The following PCDHGA7 variants were observed in gnomAD, a reference collection of about 807,000 sequenced individuals.
PCDHGA7 encodes the protein protocadherin gamma-A7.
In PCDHGA7, 44 loss-of-function variants were observed where a neutral mutation model predicts 58.3. The ratio of observed to expected loss-of-function variants is 0.75; its 90% CI spans 0.59 to 0.97. The LOEUF is 0.97. Ranked by LOEUF, PCDHGA7 falls within the 50% of genes least tolerant of loss-of-function variation. The probability of loss-of-function intolerance (pLI) is 0.00; values close to 1 mark genes in which losing one functional copy is unlikely to be tolerated. For synonymous variants in PCDHGA7, 516 were observed against 504.2 expected (o/e 1.02, Z -0.31); for missense variants, 1,266 against 1,188.7 (o/e 1.06, Z -0.96).
intron 1 of PCDHGA7, chr5:141,408,083 C>A: frequency 7.1e-7 from 1 of 1,414,576 alleles, no homozygotes; most frequent in Non-Finnish European, 9.3e-7. Flanking sequence ...CCCAGCACAG[C>A]GGATTGCCAG....
intron 1 of PCDHGA7, chr5:141,418,580 G>A: frequency 1.2e-5 from 20 of 1,614,018 alleles, no homozygotes; most frequent in Non-Finnish European, 1.7e-5. Flanking sequence ...CAACCCCCCA[G>A]TGTTCAGCCA....
intron 1 of PCDHGA7, among the ~76,000 whole-genome samples, chr5:141,402,017 A>G (rs1052839882): frequency 2.0e-5 from 3 of 152,210 alleles, no homozygotes; most frequent in African/African-American, 7.2e-5. Flanking sequence ...ATGCATTTGA[A>G]TCATTGAAAC....
At chr5:141,496,236 C>T (rs1290509264) in intron 2 of PCDHGA7, among the ~76,000 whole-genome samples, 7 of 152,138 alleles carry the variant, frequency 4.6e-5, no homozygotes, top group Middle Eastern at 3.2e-3. Flanking sequence ...GAACCCCCTG[C>T]GGGCTGAAGG....
rs776632782 is a variant in PCDHGA7, at chr5:141,415,681, A to G, written c.2424+30358A>G. 6.3e-5 allele frequency: 95 copies of G among 1,518,728 alleles called. 2 individuals are homozygous for G. In the Middle Eastern group the frequency reaches 2.1e-3, roughly 34 times the overall value. 94.1% of individuals were successfully genotyped at this position (1,518,728 alleles called of 1,614,324 possible). A position where few individuals can be genotyped will look rare whatever the true frequency, so the allele number is the denominator to read the frequency against. Reference sequence around the variant, plus strand: ...TGGTTTTTACTTTGAAGTTTGCGGCATGATGGTGGAAAGTGTAAATGCTAA... The same window carrying G: ...TGGTTTTTACTTTGAAGTTTGCGGCGTGATGGTGGAAAGTGTAAATGCTAA... On this transcript the variant is annotated intron_variant, in intron 1 of 3. Transcript: ENST00000518325.
At chr5:141,393,201 A>C in intron 1 of PCDHGA7, 1 of 1,613,534 alleles carries the variant, frequency 6.2e-7, no homozygotes, top group Admixed American at 1.7e-5. Context: ...TAACGATAAT[A>C]ACCCAAAATT....
chr5:141,386,377 T>G (rs535243472), intron 1 of PCDHGA7, among the ~76,000 whole-genome samples: 33 of 152,286 alleles, frequency 2.2e-4, no homozygotes, highest in African/African-American at 7.9e-4. Flanking sequence ...CTTTGAGTAT[T>G]AATTAAAAAC....
rs756476818 is a variant in PCDHGA7 at position 141,431,027 on chromosome 5, A to G, written c.2424+45704A>G. The G allele has an allele frequency of 6.2e-6, 10 of 1,614,034 alleles. No homozygotes were observed. The highest frequency in any genetic ancestry group is 1.1e-5 in the South Asian group (1 of 91,078). On this transcript the variant is annotated intron_variant, in intron 1 of 3. Coordinates refer to ENST00000518325, the MANE Select transcript of PCDHGA7 (RefSeq NM_018920.4). This position sits in a 1 kb window ranked among gnomAD's most constrained non-coding sequence, Gnocchi z 4.8. ...CGGCAGCTTGGTCACGGCGGGCAGG[A>G]TAGACCGGGAGGAGCTCTGTATGGG...
chr5:141,402,829 T>G (rs921784924), intron 1 of PCDHGA7: 4 of 1,341,920 alleles, frequency 3.0e-6, no homozygotes, highest in Admixed American at 5.9e-5. Context: ...GCTCCCAGGC[T>G]GCAGCAAAAC....
rs1373910602 is a variant in PCDHGA7 at position 141,384,681 on chromosome 5, G to A, written c.1782G>A (p.Val594=). Residue 594 remains valine, a synonymous_variant, in exon 1 of 4, where the codon GTG becomes GTA. Transcript: ENST00000518325. ...ACCTGGTGACCAAGGTGGTGGCGGT[G>A]GACAAAGATTCAGGCCAGAACGCCT... The part of the protein sequence containing the change: ...PGYLVTKVVA[V]DKDSGQNAWL... 1 of 1,614,180 alleles carries A rather than the reference G, an allele frequency of 6.2e-7. No individual in the cohort carries two copies. Among genetic ancestry groups the A allele is most frequent in the South Asian group, 1.1e-5 (1 of 91,090 alleles).
intron 2 of PCDHGA7, among the ~76,000 whole-genome samples, chr5:141,503,275 C>T (rs1466636672): frequency 1.3e-5 from 2 of 152,108 alleles, no homozygotes; most frequent in Non-Finnish European, 2.9e-5. Context: ...GCACCTGGCT[C>T]TGTGTCTGGT....
chr5:141,435,444 A>G (rs1471113812), intron 1 of PCDHGA7, among the ~76,000 whole-genome samples: 1 of 152,216 alleles, frequency 6.6e-6, no homozygotes, highest in East Asian at 1.9e-4. Flanking sequence ...TTTCATTAAT[A>G]CGATATCTGT....
intron 1 of PCDHGA7, among the ~76,000 whole-genome samples, chr5:141,397,322 AATT>A (rs1264296504): frequency 6.6e-6 from 1 of 152,188 alleles, no homozygotes; most frequent in Non-Finnish European, 1.5e-5. Flanking sequence ...AGTAAAGAAA[AATT>A]ATTTTTATAA....
In PCDHGA7 at chr5:141,431,211, G is replaced by A. The variant is rs1054638121; in HGVS notation, c.2424+45888G>A. The A allele has an allele frequency of 6.2e-7, 1 of 1,614,004 alleles. No individual in the cohort carries two copies. The highest frequency in any genetic ancestry group is 1.7e-5 in the Admixed American group (1 of 60,006). ...AGTGAAAATGCAGCCACTGAGATGC[G>A]GTTCCCTCTACCCCACGCCTGGGAT... On this transcript the variant is annotated intron_variant, in intron 1 of 3. Coordinates refer to ENST00000518325, the MANE Select transcript of PCDHGA7 (RefSeq NM_018920.4). This position sits in a 1 kb window ranked among gnomAD's most constrained non-coding sequence, Gnocchi z 4.8.
chr5:141,403,789 C>T (rs1230029917), intron 1 of PCDHGA7: 1 of 1,613,864 alleles, frequency 6.2e-7, no homozygotes, highest in East Asian at 2.2e-5. Flanking sequence ...AAGTGGCATA[C>T]AAATTCTGGA....
chr5:141,451,528 G>C (rs1451101169), intron 1 of PCDHGA7, among the ~76,000 whole-genome samples: 8 of 152,210 alleles, frequency 5.3e-5, no homozygotes. Flanking sequence ...AAGTAAAGGA[G>C]AGTGCCAGAG....
At chr5:141,419,922 T>C (rs761868361) in intron 1 of PCDHGA7, 1 of 1,614,090 alleles carries the variant, frequency 6.2e-7, no homozygotes, top group South Asian at 1.1e-5. Flanking sequence ...CAGGCTGAGA[T>C]GCAGTTTTAC....
intron 1 of PCDHGA7, chr5:141,404,202 AAT>A: frequency 6.2e-7 from 1 of 1,613,738 alleles, no homozygotes; most frequent in Non-Finnish European, 8.5e-7. Context: ...AAAGCCTCAG[AAT>A]ATAATATCAC....
At chr5:141,389,525 CGT>C in intron 1 of PCDHGA7, 1 of 1,613,170 alleles carries the variant, frequency 6.2e-7, no homozygotes, top group Non-Finnish European at 8.5e-7. Context: ...TGAGCCTGCG[CGT>C]GTTAGTGGAC....
chr5:141,487,392 G>A lies in PCDHGA7; in HGVS notation c.2425-7415G>A, dbSNP rs773126086. 2 of 1,614,176 alleles carry A rather than the reference G, an allele frequency of 1.2e-6. No individual in the cohort carries two copies. Among genetic ancestry groups the A allele is most frequent in the Non-Finnish European group, 1.7e-6 (2 of 1,180,024 alleles). On this transcript the variant is annotated intron_variant, in intron 1 of 3. Transcript: ENST00000518325. This position sits in a 1 kb window ranked among gnomAD's most constrained non-coding sequence, Gnocchi z 5.0. ...GCCTGTCTCACCAGATCTCGAAGGA[G>A]GGAGGGGCTTCCCCCTTCCAATGGG...
Sources: allele counts gnomAD v4.1 joint callset (sites outside exome capture counted in the v4.1 genomes callset), GRCh38; gene constraint gnomAD v4.1.1; non-coding constraint Gnocchi (gnomAD v3.1); transcripts MANE v1.5; gene names NCBI Gene and HGNC (gene_info 2026-07-23, HGNC 2026-07-21).